FRMD4A: variants seen among roughly 807,000 people sequenced by gnomAD.
FRMD4A encodes the protein FERM domain-containing protein 4A.
A neutral mutation model predicts 129.1 loss-of-function variants in FRMD4A; 29 were observed. That is an observed-to-expected ratio of 0.22 (90% CI 0.17 to 0.31). The LOEUF is 0.31. FRMD4A is among the 10% of genes least tolerant of loss of function. The probability of loss-of-function intolerance (pLI) is 1.00; values close to 1 mark genes in which losing one functional copy is unlikely to be tolerated. For missense variants in FRMD4A, 1,272 were observed against 1,375.8 expected, an observed-to-expected ratio of 0.92 and a Z score of 1.19; for synonymous variants, 634 against 571.6, an observed-to-expected ratio of 1.11 and a Z score of -1.56.
At chr10:13,859,431 T>C (rs1279273668) in intron 2 of FRMD4A, among the ~76,000 whole-genome samples, 1 of 152,126 alleles carries the variant, frequency 6.6e-6, no homozygotes, top group Non-Finnish European at 1.5e-5. Context: ...GCCAGGCACT[T>C]TTCTGGGAGC....
chr10:13,847,553 A>G lies in FRMD4A; in HGVS notation c.111+11294T>C, dbSNP rs546147380. ...CTCCCTTCCTCCCTTCCTTCCTTCCACTGGATGGGACAAGTTGCAGCAGAG... is the reference window on the plus strand; with the variant it reads ...CTCCCTTCCTCCCTTCCTTCCTTCCGCTGGATGGGACAAGTTGCAGCAGAG... On this transcript the variant is annotated intron_variant, in intron 3 of 24. Transcript: ENST00000357447. Among the ~76,000 whole-genome samples the G allele has an allele frequency of 2.3e-5, 3 of 131,708 alleles. No homozygotes were observed. The South Asian group carries it at 7.3e-4, about 32-fold the overall frequency. 86.4% of individuals were successfully genotyped at this position (131,708 alleles called of 152,430 possible). A position where few individuals can be genotyped will look rare whatever the true frequency, so the allele number is the denominator to read the frequency against.
chr10:14,238,252 A>G (rs769542456), intron 2 of FRMD4A, among the ~76,000 whole-genome samples: 38 of 152,300 alleles, frequency 2.5e-4, no homozygotes, highest in Non-Finnish European at 4.4e-4. Context: ...TATGTTTCCA[A>G]GTTTCTAGGA....
intron 15 of FRMD4A, among the ~76,000 whole-genome samples, chr10:13,681,030 T>C (rs78612165): frequency 0.016 from 2,411 of 152,342 alleles, 61 homozygotes; most frequent in African/African-American, 0.054. Flanking sequence ...AAATTACCAA[T>C]TGACCCATCT....
chr10:14,304,723 C>T (rs1846290048), intron 2 of FRMD4A, among the ~76,000 whole-genome samples: 1 of 152,176 alleles, frequency 6.6e-6, no homozygotes, highest in Non-Finnish European at 1.5e-5. Context: ...CCTGAGGGCT[C>T]TGGGGCCAGG....
chr10:13,881,993 GTGTGTGTGTGTGTGTGTGT>G (rs1564965531), intron 2 of FRMD4A, among the ~76,000 whole-genome samples: 6,065 of 146,208 alleles, frequency 0.041, 266 homozygotes, highest in African/African-American at 0.098. Flanking sequence ...AGGCAAGGGT[GTGTGTGTGTGTGTGTGTGT>G]GTGTGTGTGT....
At chr10:13,868,284 T>A (rs1315725195) in intron 2 of FRMD4A, among the ~76,000 whole-genome samples, 1 of 152,124 alleles carries the variant, frequency 6.6e-6, no homozygotes, top group Admixed American at 6.5e-5. Flanking sequence ...CATTGTAATA[T>A]GATTTTTATG....
At chr10:14,082,465 G>T (rs1835984283) in intron 2 of FRMD4A, among the ~76,000 whole-genome samples, 1 of 152,098 alleles carries the variant, frequency 6.6e-6, no homozygotes, top group South Asian at 2.1e-4. Context: ...GGGGATGAGG[G>T]GTAGACATTG....
rs142482444 is a variant in FRMD4A at position 13,883,650 on chromosome 10, G to A, written c.46-24738C>T. ...GACTAATTTACAACTTTAGGAACAG[G>A]AAGGCAAATGAACTAAATTGTTGTG... On this transcript the variant is annotated intron_variant, in intron 2 of 24. Transcript: ENST00000357447. 4.2e-3 allele frequency among the ~76,000 whole-genome samples: 636 copies of A among 152,324 alleles called. 1 individual carries two copies. Among genetic ancestry groups the A allele is most frequent in the Middle Eastern group, 6.8e-3 (2 of 294 alleles).
intron 2 of FRMD4A, among the ~76,000 whole-genome samples, chr10:14,261,363 G>C (rs1378956687): frequency 6.6e-6 from 1 of 152,202 alleles, no homozygotes; most frequent in Non-Finnish European, 1.5e-5. Flanking sequence ...GAAGTGTGCA[G>C]AATTCCGTGG....
chr10:14,123,837 G>A (rs1838674539), intron 2 of FRMD4A, among the ~76,000 whole-genome samples: 1 of 152,118 alleles, frequency 6.6e-6, no homozygotes, highest in Non-Finnish European at 1.5e-5. Flanking sequence ...GGTCACTTAA[G>A]CTTGCTTGTA....
At chr10:13,774,330 G>C (rs2092542752) in intron 6 of FRMD4A, among the ~76,000 whole-genome samples, 2 of 152,172 alleles carry the variant, frequency 1.3e-5, no homozygotes, top group South Asian at 4.1e-4. Context: ...GAGAGAGGAA[G>C]GTAGGAAGGC....
chr10:13,831,613 T>C (rs2093791666), intron 3 of FRMD4A, among the ~76,000 whole-genome samples: 1 of 152,124 alleles, frequency 6.6e-6, no homozygotes, highest in Non-Finnish European at 1.5e-5. Context: ...GGACATCATA[T>C]CTCCAACTTT....
chr10:13,908,127 T>C (rs1335165533), intron 2 of FRMD4A, among the ~76,000 whole-genome samples: 1 of 121,478 alleles, frequency 8.2e-6, no homozygotes, highest in Admixed American at 1.2e-4. Context: ...ATCGTGCCAC[T>C]GCACTCCAGC....
intron 6 of FRMD4A, among the ~76,000 whole-genome samples, chr10:13,780,914 T>C (rs1252592594): frequency 6.6e-6 from 1 of 152,212 alleles, no homozygotes; most frequent in Non-Finnish European, 1.5e-5. Flanking sequence ...TTATTCATGA[T>C]AGGCAAAAGG....
At chr10:13,786,017 AC>A (rs1379187571) in intron 5 of FRMD4A, among the ~76,000 whole-genome samples, 1 of 152,148 alleles carries the variant, frequency 6.6e-6, no homozygotes, top group Non-Finnish European at 1.5e-5. Flanking sequence ...AATCCAGTCT[AC>A]CACTGATGGA....
intron 12 of FRMD4A, among the ~76,000 whole-genome samples, chr10:13,708,537 G>A (rs535382625): frequency 5.0e-4 from 76 of 152,312 alleles, no homozygotes; most frequent in Admixed American, 1.4e-3. Context: ...CCGGCTCAGA[G>A]TGCATTTCAC....
intron 12 of FRMD4A, among the ~76,000 whole-genome samples, chr10:13,735,152 C>T (rs1432011238): frequency 3.3e-5 from 5 of 152,208 alleles, no homozygotes; most frequent in Admixed American, 6.5e-5. Flanking sequence ...GGATTACAGG[C>T]GTGAGCCACT....
intron 24 of FRMD4A, chr10:13,648,912 TGCTCTGAGG>T (rs1201729734): frequency 6.6e-6 from 1 of 152,136 alleles, no homozygotes; most frequent in East Asian, 1.9e-4. Flanking sequence ...TCCTGTGAGT[TGCTCTGAGG>T]GGAAAAAAAG....
intron 8 of FRMD4A, among the ~76,000 whole-genome samples, chr10:13,758,391 T>C (rs2091943686): frequency 6.6e-6 from 1 of 152,246 alleles, no homozygotes; most frequent in Non-Finnish European, 1.5e-5. Context: ...GCTGGTATTT[T>C]ATTAATGTGG....
Sources: allele counts gnomAD v4.1 joint callset (sites outside exome capture counted in the v4.1 genomes callset), GRCh38; gene constraint gnomAD v4.1.1; transcripts MANE v1.5; gene names NCBI Gene and HGNC (gene_info 2026-07-23, HGNC 2026-07-21).